ABI1: variants seen among roughly 807,000 people sequenced by gnomAD.
ABI1 encodes the protein Abelson interactor 1.
ABI1 carries 14 observed loss-of-function variants against 54.6 expected under a neutral mutation model. The observed-to-expected ratio is 0.26, with a 90% CI of 0.17 to 0.40. The LOEUF (loss-of-function observed/expected upper bound fraction) is 0.40. Among genes scored for constraint, ABI1 ranks in the 10% least tolerant of loss-of-function variants. The pLI, the probability that ABI1 is intolerant of heterozygous loss-of-function variation, is 1.00. For synonymous variants in ABI1, 194 were observed against 209.3 expected (o/e 0.93, Z 0.63); for missense variants, 443 against 598.3 (o/e 0.74, Z 2.71).
In ABI1 at chr10:26,860,700, CG is replaced by C; in HGVS notation, c.117+46del. On this transcript the variant is annotated intron_variant, in intron 1 of 10. Coordinates refer to ENST00000376140, the MANE Select transcript of ABI1 (RefSeq NM_001012750.3). The surrounding 1 kb of genome is among the most constrained non-coding windows in gnomAD (Gnocchi z 4.1). The stretch of plus-strand genomic sequence containing the variant: ...CCGCCCAGTGGGCTGGTCACTCCGG[CG>C]GGTCCTCGACCCGGCCAGCGCCCGC... The C allele has an allele frequency of 1.3e-6, 2 of 1,490,692 alleles. No individual in the cohort carries two copies. Among genetic ancestry groups the C allele is most frequent in the Non-Finnish European group, 1.9e-6 (2 of 1,070,282 alleles). The allele number at this position is 1,490,692 out of a possible 1,614,324, so 92.3% of individuals were successfully genotyped here.
chr10:26,812,170 A>G lies in ABI1; in HGVS notation c.285+10968T>C, dbSNP rs537194967. Among the ~76,000 whole-genome samples, 3 of 152,258 alleles carry G rather than the reference A, an allele frequency of 2.0e-5. No individual in the cohort carries two copies. The East Asian group carries it at 5.8e-4, about 29-fold the overall frequency. The stretch of plus-strand genomic sequence containing the variant: ...TAATCCAGGATAATCTTCCCATCTC[A>G]AGATCTTTAATTTATACTTGCAAAA... On this transcript the variant is annotated intron_variant, in intron 2 of 10. Transcript: ENST00000376140.
At chr10:26,845,903 G>A (rs1052854833) in intron 1 of ABI1, among the ~76,000 whole-genome samples, 24 of 152,072 alleles carry the variant, frequency 1.6e-4, no homozygotes, top group Non-Finnish European at 2.6e-4. Context: ...AGCACTTTGG[G>A]AGGCCGAGGC....
intron 2 of ABI1, among the ~76,000 whole-genome samples, chr10:26,801,247 A>G (rs1262593817): frequency 6.6e-6 from 1 of 152,102 alleles, no homozygotes; most frequent in East Asian, 1.9e-4. Flanking sequence ...ATTTGTTTCT[A>G]GAAAATACAC....
At chr10:26,819,750 C>G (rs1464551374) in intron 2 of ABI1, among the ~76,000 whole-genome samples, 1 of 152,176 alleles carries the variant, frequency 6.6e-6, no homozygotes, top group Non-Finnish European at 1.5e-5. Context: ...GACACAGCAT[C>G]AATCTAGGTG....
intron 2 of ABI1, among the ~76,000 whole-genome samples, chr10:26,822,654 T>C (rs531548582): frequency 2.0e-5 from 3 of 151,122 alleles, no homozygotes; most frequent in Non-Finnish European, 2.9e-5. Flanking sequence ...ATTTAGAAAA[T>C]GTAAACTAAT....
chr10:26,858,446 C>A (rs928087253), intron 1 of ABI1, among the ~76,000 whole-genome samples: 34 of 141,734 alleles, frequency 2.4e-4, no homozygotes, highest in African/African-American at 9.0e-4. Context: ...CATTGCTTTG[C>A]GTGAATTCTT....
intron 1 of ABI1, among the ~76,000 whole-genome samples, chr10:26,853,221 C>T (rs1402157263): frequency 2.6e-5 from 3 of 114,858 alleles, no homozygotes; most frequent in Non-Finnish European, 3.4e-5. Flanking sequence ...GGTGACAGAG[C>T]GAGACTCCAT....
At chr10:26,833,923 A>T (rs1224130173) in intron 1 of ABI1, among the ~76,000 whole-genome samples, 1 of 152,186 alleles carries the variant, frequency 6.6e-6, no homozygotes, top group Non-Finnish European at 1.5e-5. Context: ...GCCAATGACA[A>T]ATTATTAAAA....
intron 1 of ABI1, among the ~76,000 whole-genome samples, chr10:26,826,910 A>AT (rs142627888): frequency 0.015 from 2,200 of 144,330 alleles, 9 homozygotes; most frequent in Non-Finnish European, 0.021. Flanking sequence ...GGCTAGTTTG[A>AT]TTTTTTTTTT....
intron 2 of ABI1, among the ~76,000 whole-genome samples, chr10:26,801,271 G>A (rs2046536989): frequency 6.6e-6 from 1 of 151,988 alleles, no homozygotes; most frequent in South Asian, 2.1e-4. Flanking sequence ...ATCGTGGCCG[G>A]GCACGGTGGC....
intron 1 of ABI1, among the ~76,000 whole-genome samples, chr10:26,844,064 G>A (rs964609565): frequency 1.1e-4 from 16 of 152,130 alleles, no homozygotes; most frequent in Admixed American, 5.9e-4. Flanking sequence ...ACACTGATCC[G>A]ATCTTCTACA....
At chr10:26,837,634 C>CA (rs1400814258) in intron 1 of ABI1, among the ~76,000 whole-genome samples, 7 of 152,222 alleles carry the variant, frequency 4.6e-5, no homozygotes, top group African/African-American at 1.7e-4. Flanking sequence ...GTTTTTGAAA[C>CA]AGAGTCTCAC....
At chr10:26,783,178 T>C (rs537404174) in intron 2 of ABI1, among the ~76,000 whole-genome samples, 3 of 152,176 alleles carry the variant, frequency 2.0e-5, no homozygotes, top group Non-Finnish European at 4.4e-5. Flanking sequence ...CTTGAGGACA[T>C]TATTGAGTGA....
intron 1 of ABI1, among the ~76,000 whole-genome samples, chr10:26,854,576 C>T (rs561588762): frequency 3.7e-4 from 57 of 152,252 alleles, no homozygotes; most frequent in Non-Finnish European, 7.6e-4. Context: ...TGGTATGGGT[C>T]GATTTAACAA....
At chr10:26,837,122 T>C (rs145951306) in intron 1 of ABI1, among the ~76,000 whole-genome samples, 11 of 152,302 alleles carry the variant, frequency 7.2e-5, no homozygotes, top group Non-Finnish European at 1.2e-4. Flanking sequence ...CTGTATTAAA[T>C]ATACAGTCGG....
intron 9 of ABI1, among the ~76,000 whole-genome samples, chr10:26,754,722 C>A (rs1211919815): frequency 6.6e-6 from 1 of 152,158 alleles, no homozygotes; most frequent in Non-Finnish European, 1.5e-5. Flanking sequence ...GATTTATTTT[C>A]ATGGTGATGG....
intron 2 of ABI1, among the ~76,000 whole-genome samples, chr10:26,795,097 T>TCG (rs901661916): frequency 4.0e-4 from 59 of 148,408 alleles, no homozygotes; most frequent in African/African-American, 1.4e-3. Flanking sequence ...TGAGCCAAGA[T>TCG]CGCACCACTG....
chr10:26,829,961 C>T (rs1564553025), intron 1 of ABI1, among the ~76,000 whole-genome samples: 1 of 152,160 alleles, frequency 6.6e-6, no homozygotes, highest in Non-Finnish European at 1.5e-5. Flanking sequence ...TCCCTCATAA[C>T]TCCCTCCCCA....
chr10:26,801,451 G>A (rs1351208627), intron 2 of ABI1, among the ~76,000 whole-genome samples: 2 of 152,022 alleles, frequency 1.3e-5, no homozygotes, highest in African/African-American at 2.4e-5. Context: ...GGAGGCTGAG[G>A]TGGCAGGATG....
Sources: allele counts gnomAD v4.1 joint callset (sites outside exome capture counted in the v4.1 genomes callset), GRCh38; gene constraint gnomAD v4.1.1; non-coding constraint Gnocchi (gnomAD v3.1); transcripts MANE v1.5; gene names NCBI Gene and HGNC (gene_info 2026-07-23, HGNC 2026-07-21).